Variants in SLC9B2 observed in about 807,000 individuals in gnomAD.
SLC9B2 encodes the protein sodium/hydrogen exchanger 9B2.
A neutral mutation model predicts 52.2 loss-of-function variants in SLC9B2; 39 were observed. The ratio of observed to expected loss-of-function variants is 0.75; its 90% CI spans 0.58 to 0.98. SLC9B2 has a LOEUF of 0.98. Among genes scored for constraint, SLC9B2 ranks in the 50% least tolerant of loss-of-function variants. The pLI, the probability that SLC9B2 is intolerant of heterozygous loss-of-function variation, is 0.00. For missense variants in SLC9B2, 626 were observed against 637.5 expected, an observed-to-expected ratio of 0.98 and a Z score of 0.19; for synonymous variants, 214 against 227.0, an observed-to-expected ratio of 0.94 and a Z score of 0.51.
At chr4:103,075,130 A>G (rs1746998114) in intron 1 of SLC9B2, among the ~76,000 whole-genome samples, 1 of 152,074 alleles carries the variant, frequency 6.6e-6, no homozygotes, top group African/African-American at 2.4e-5. Context: ...TAACAACCCC[A>G]TCCCTTAACA....
At position 103,047,234 on chromosome 4, in the gene SLC9B2, G is replaced by C. The variant is rs1158224549; in HGVS notation, c.714-8C>G. ...ACAGCACCTAAAACAAAACTAGGCA[G>C]ACAGCATTTTAAACATTTATGATAA... On this transcript the variant is annotated splice_polypyrimidine_tract_variant and splice_region_variant and intron_variant, in intron 6 of 11. Transcript: ENST00000394785. 7 of 1,603,896 alleles carry C rather than the reference G, an allele frequency of 4.4e-6. No homozygotes were observed. In the South Asian group the frequency reaches 5.6e-5, roughly 13 times the overall value.
chr4:103,050,310 C>A lies in SLC9B2; in HGVS notation c.515G>T (p.Trp172Leu), dbSNP rs773312943. 18 of 1,609,588 alleles carry A rather than the reference C, an allele frequency of 1.1e-5. No homozygotes were observed. In the Admixed American group the frequency reaches 1.5e-4, roughly 14 times the overall value. ...INDNVQIKHK[W>L]SSSLRSIALS... ...GGCTATGCTTCTCAAAGAGGAAGAC[C>A]ACTTGTGCTTGATCTGCACATTATC... Residue 172 changes from tryptophan to leucine, a missense_variant, in exon 5 of 12, where the codon TGG (tryptophan) becomes TTG (leucine). Transcript: ENST00000394785.
chr4:103,067,693 C>A (rs1578482196), intron 1 of SLC9B2, 101 bp from the exon 2 acceptor site: 1 of 670,606 alleles, frequency 1.5e-6, no homozygotes, highest in East Asian at 2.8e-5. Context: ...TTCCGAATGG[C>A]TAAACTATTT....
intron 3 of SLC9B2, among the ~76,000 whole-genome samples, chr4:103,062,809 A>T (rs1745783773): frequency 6.6e-6 from 1 of 152,046 alleles, no homozygotes; most frequent in African/African-American, 2.4e-5. Flanking sequence ...ATGAGGTTTC[A>T]CTATGTTAGC....
intron 4 of SLC9B2, among the ~76,000 whole-genome samples, chr4:103,051,272 AC>A (rs938432333): frequency 6.6e-6 from 1 of 152,206 alleles, no homozygotes; most frequent in Non-Finnish European, 1.5e-5. Flanking sequence ...CCACATGCCC[AC>A]ACAAAGGGAA....
chr4:103,028,907 G>A, intron 10 of SLC9B2, 24 bp from the exon 11 acceptor site: 1 of 1,506,786 alleles, frequency 6.6e-7, no homozygotes, highest in Non-Finnish European at 8.8e-7. Context: ...TCAATTTTTA[G>A]AAATAATAAA....
chr4:103,074,236 T>C (rs529851504), intron 1 of SLC9B2, among the ~76,000 whole-genome samples: 5 of 152,284 alleles, frequency 3.3e-5, no homozygotes, highest in African/African-American at 9.6e-5. Context: ...GAAAGCAACA[T>C]AGAGCCCTGA....
intron 2 of SLC9B2, among the ~76,000 whole-genome samples, chr4:103,066,910 T>A (rs562443343): frequency 5.3e-5 from 8 of 151,880 alleles, no homozygotes; most frequent in Admixed American, 1.3e-4. Flanking sequence ...ATTACCTGTA[T>A]AAATATGAAA....
intron 9 of SLC9B2, among the ~76,000 whole-genome samples, 173 bp from the exon 10 acceptor site, chr4:103,031,981 A>G (rs146143239): frequency 2.0e-5 from 3 of 152,292 alleles, no homozygotes; most frequent in East Asian, 3.9e-4. Flanking sequence ...AGATCTTTCT[A>G]TCACAGTTAA....
intron 1 of SLC9B2, among the ~76,000 whole-genome samples, chr4:103,070,071 A>G (rs1746480241): frequency 6.6e-6 from 1 of 152,216 alleles, no homozygotes; most frequent in Non-Finnish European, 1.5e-5. Context: ...ATGATCAGAA[A>G]GGTACTGCAG....
intron 8 of SLC9B2, among the ~76,000 whole-genome samples, chr4:103,043,833 G>A (rs1255047175): frequency 2.0e-5 from 3 of 152,178 alleles, no homozygotes; most frequent in African/African-American, 7.2e-5. Context: ...TTTCCTGAAA[G>A]CATTTACATC....
intron 3 of SLC9B2, among the ~76,000 whole-genome samples, chr4:103,060,445 C>T (rs1472814924): frequency 6.6e-6 from 1 of 150,872 alleles, no homozygotes; most frequent in Non-Finnish European, 1.5e-5. Flanking sequence ...TAATTCTTAA[C>T]TTCTTTATAT....
chr4:103,033,574 T>C (rs182663941), intron 9 of SLC9B2, among the ~76,000 whole-genome samples: 1 of 152,300 alleles, frequency 6.6e-6, no homozygotes, highest in East Asian at 1.9e-4. Context: ...TCATAGTCTC[T>C]GCTCAGAGGC....
chr4:103,050,242 T>G lies in SLC9B2; in HGVS notation c.583A>C (p.Lys195Gln). The G allele has an allele frequency of 6.3e-7, 1 of 1,575,728 alleles. No homozygotes were observed. Among genetic ancestry groups the G allele is most frequent in the South Asian group, 1.2e-5 (1 of 84,030 alleles). The change falls in exon 5 of 12, where the codon AAG becomes CAG. Residue 195 changes from lysine to glutamine, a missense_variant and splice_region_variant. Coordinates refer to ENST00000394785, the MANE Select transcript of SLC9B2 (RefSeq NM_178833.7). ...AATGAGAAATTTACATTTCATACCT[T>G]TGAATCCAGACCAAGGCCAGCACGA... ...LVRAGLGLDSKALKKLKGVCV... is the reference protein window; with the variant it reads ...LVRAGLGLDSQALKKLKGVCV...
At chr4:103,056,495 G>C (rs760194783) in intron 4 of SLC9B2, among the ~76,000 whole-genome samples, 2 of 152,124 alleles carry the variant, frequency 1.3e-5, no homozygotes, top group Non-Finnish European at 2.9e-5. Flanking sequence ...TGATCCGCCT[G>C]CCTTGGCCTC....
At chr4:103,055,790 A>G (rs1560554224) in intron 4 of SLC9B2, among the ~76,000 whole-genome samples, 2 of 151,500 alleles carry the variant, frequency 1.3e-5, no homozygotes, top group South Asian at 4.2e-4. Context: ...AACAAATTTT[A>G]TAATGCAGAA....
chr4:103,061,149 C>T (rs1254769918), intron 3 of SLC9B2, among the ~76,000 whole-genome samples: 1 of 152,206 alleles, frequency 6.6e-6, no homozygotes, highest in Non-Finnish European at 1.5e-5. Flanking sequence ...ACCCAGCCAT[C>T]CCATTACTGG....
chr4:103,046,850 T>C (rs1744185707), intron 7 of SLC9B2, among the ~76,000 whole-genome samples: 1 of 152,150 alleles, frequency 6.6e-6, no homozygotes, highest in African/African-American at 2.4e-5. Flanking sequence ...TACTGCATGC[T>C]ACTTGAGCAG....
At chr4:103,069,603 G>T (rs776791575) in intron 1 of SLC9B2, among the ~76,000 whole-genome samples, 32 of 152,300 alleles carry the variant, frequency 2.1e-4, no homozygotes, top group Non-Finnish European at 4.6e-4. Context: ...TATTAAGCAA[G>T]AAAAAGTCAC....
Sources: gnomAD v4.1 joint callset for allele counts (sites outside exome capture counted in the v4.1 genomes callset) on GRCh38, gnomAD v4.1.1 for gene constraint, MANE v1.5 for transcripts, NCBI Gene and HGNC (gene_info 2026-07-23, HGNC 2026-07-21) for gene names.